The following SPOCK1 variants were observed in gnomAD, a reference collection of about 807,000 sequenced individuals.
SPOCK1 encodes the protein testican-1.
In SPOCK1, 23 loss-of-function variants were observed where a neutral mutation model predicts 55.3. That is an observed-to-expected ratio of 0.42 (90% CI 0.30 to 0.59). The LOEUF (loss-of-function observed/expected upper bound fraction) is 0.59. Among genes scored for constraint, SPOCK1 ranks in the 20% least tolerant of loss-of-function variants. The pLI is 0.22. For synonymous variants in SPOCK1, 226 were observed against 221.0 expected, an observed-to-expected ratio of 1.02 and a Z score of -0.20; for missense variants, 499 against 552.5, an observed-to-expected ratio of 0.90 and a Z score of 0.97.
At chr5:137,097,078 C>T (rs960959976) in intron 5 of SPOCK1, among the ~76,000 whole-genome samples, 7 of 152,154 alleles carry the variant, frequency 4.6e-5, no homozygotes, top group Non-Finnish European at 1.0e-4. Flanking sequence ...GCAGGTGGCA[C>T]ACAGCAGACA....
At chr5:137,311,320 A>C (rs1334143240) in intron 2 of SPOCK1, among the ~76,000 whole-genome samples, 1 of 152,192 alleles carries the variant, frequency 6.6e-6, no homozygotes, top group Admixed American at 6.5e-5. Context: ...GGTGGGAAGG[A>C]GGGTGACTGC....
chr5:137,184,364 C>A (rs1457330848), intron 3 of SPOCK1, among the ~76,000 whole-genome samples: 1 of 152,128 alleles, frequency 6.6e-6, no homozygotes, highest in East Asian at 1.9e-4. Flanking sequence ...CACAGGAAGC[C>A]TTCTCTCCCC....
intron 2 of SPOCK1, among the ~76,000 whole-genome samples, chr5:137,354,290 G>A (rs1750743273): frequency 6.6e-6 from 1 of 152,100 alleles, no homozygotes; most frequent in Admixed American, 6.5e-5. Context: ...AATCTTATCA[G>A]AATAGTGGAT....
intron 4 of SPOCK1, among the ~76,000 whole-genome samples, chr5:137,132,188 A>G (rs1236642986): frequency 6.8e-6 from 1 of 147,954 alleles, no homozygotes; most frequent in Admixed American, 6.7e-5. Context: ...AAAAAAAAAA[A>G]AAAAAAAATC....
chr5:137,492,621 C>G (rs372914253), intron 2 of SPOCK1, among the ~76,000 whole-genome samples: 1 of 152,204 alleles, frequency 6.6e-6, no homozygotes, highest in Middle Eastern at 3.2e-3. Context: ...CATTTCTTAA[C>G]AAATGAGTCA....
At chr5:137,201,276 A>G (rs1755420805) in intron 3 of SPOCK1, among the ~76,000 whole-genome samples, 1 of 152,252 alleles carries the variant, frequency 6.6e-6, no homozygotes, top group Non-Finnish European at 1.5e-5. Context: ...ATTACAAAAC[A>G]AAACAGTCCT....
rs146762668 is a variant in SPOCK1 at position 137,434,480 on chromosome 5, C to CTTTTTT, written c.186+63887_186+63892dup. On this transcript the variant is annotated intron_variant, in intron 2 of 10. Coordinates refer to ENST00000394945, the MANE Select transcript of SPOCK1 (RefSeq NM_004598.4). Reference sequence around the variant, plus strand: ...TTTCCCTTCTCCATTTCTTTTTTTTCTTTTTTTTTTTTTTTTTTTTTTTTT... The same window carrying CTTTTTT: ...TTTCCCTTCTCCATTTCTTTTTTTTCTTTTTTTTTTTTTTTTTTTTTTTTTTTTTTT... Among the ~76,000 whole-genome samples, 294 of 68,224 alleles carry CTTTTTT rather than the reference C, an allele frequency of 4.3e-3. 12 individuals are homozygous for CTTTTTT. Among genetic ancestry groups the CTTTTTT allele is most frequent in the Middle Eastern group, 0.017 (1 of 60 alleles). 44.8% of individuals were successfully genotyped at this position (68,224 alleles called of 152,430 possible). A position where few individuals can be genotyped will look rare whatever the true frequency, so the allele number is the denominator to read the frequency against.
chr5:137,066,754 C>T (rs1191331156), intron 6 of SPOCK1, among the ~76,000 whole-genome samples: 2 of 152,098 alleles, frequency 1.3e-5, no homozygotes, highest in African/African-American at 2.4e-5. Flanking sequence ...TGGTTTACAA[C>T]GTCCTTCCAC....
At chr5:137,304,639 C>G (rs754480504) in intron 2 of SPOCK1, among the ~76,000 whole-genome samples, 2 of 152,102 alleles carry the variant, frequency 1.3e-5, no homozygotes, top group Admixed American at 6.5e-5. Context: ...CAGCTTCCCC[C>G]CACTGGGTGA....
chr5:137,474,590 G>T (rs1336307542), intron 2 of SPOCK1, among the ~76,000 whole-genome samples: 1 of 152,188 alleles, frequency 6.6e-6, no homozygotes, highest in African/African-American at 2.4e-5. Context: ...GGATTCTTTG[G>T]ATCTGATTCC....
At chr5:137,320,128 C>T (rs1384141515) in intron 2 of SPOCK1, among the ~76,000 whole-genome samples, 1 of 152,228 alleles carries the variant, frequency 6.6e-6, no homozygotes, top group Non-Finnish European at 1.5e-5. Context: ...CAAGCCAGCA[C>T]AGCTCATGAT....
At chr5:137,150,821 A>G (rs1483273098) in intron 3 of SPOCK1, among the ~76,000 whole-genome samples, 1 of 152,072 alleles carries the variant, frequency 6.6e-6, no homozygotes, top group African/African-American at 2.4e-5. Context: ...GATTAGAAAC[A>G]GGGATCTCAA....
intron 3 of SPOCK1, among the ~76,000 whole-genome samples, chr5:137,202,813 T>C (rs1755450003): frequency 6.6e-6 from 1 of 152,234 alleles, no homozygotes; most frequent in Admixed American, 6.5e-5. Context: ...AGAGTTCTTC[T>C]ATAAATAATC....
intron 3 of SPOCK1, among the ~76,000 whole-genome samples, chr5:137,163,871 A>G (rs1328218181): frequency 1.3e-5 from 2 of 152,224 alleles, no homozygotes; most frequent in African/African-American, 4.8e-5. Flanking sequence ...ATAAGATCTC[A>G]TATCATACAA....
intron 6 of SPOCK1, among the ~76,000 whole-genome samples, chr5:137,039,737 T>TCTA (rs1441687454): frequency 6.6e-6 from 1 of 152,180 alleles, no homozygotes; most frequent in Non-Finnish European, 1.5e-5. Context: ...GTTATTAGCT[T>TCTA]CTACTAAGCC....
chr5:137,375,180 G>A lies in SPOCK1; in HGVS notation c.187-108125C>T, dbSNP rs191595851. On this transcript the variant is annotated intron_variant, in intron 2 of 10. Transcript: ENST00000394945. ...AAAAAAAGTCAAGAAGTAACAAGAAGTAAAATATCCAATCAACAGAACAGA... is the reference window on the plus strand; with the variant it reads ...AAAAAAAGTCAAGAAGTAACAAGAAATAAAATATCCAATCAACAGAACAGA... Among the ~76,000 whole-genome samples, 42 of 152,204 alleles carry A rather than the reference G, an allele frequency of 2.8e-4. No individual in the cohort carries two copies. In the East Asian group the frequency reaches 8.1e-3, roughly 29 times the overall value.
rs116168165 is a variant in SPOCK1 at position 137,283,167 on chromosome 5, G to A, written c.187-16112C>T. 5.1e-3 allele frequency among the ~76,000 whole-genome samples: 769 copies of A among 152,232 alleles called. 3 individuals are homozygous for A. Among genetic ancestry groups the A allele is most frequent in the African/African-American group, 0.018 (737 of 41,534 alleles). On this transcript the variant is annotated intron_variant, in intron 2 of 10. Transcript: ENST00000394945. ...CCTCCAAGTGGGTATCTTTGATTGG[G>A]GTAAGGTTTATCCTTGGAGACTCTA... is the stretch of plus-strand genomic sequence containing the variant.
chr5:137,053,242 G>C (rs1752239228), intron 6 of SPOCK1, among the ~76,000 whole-genome samples: 1 of 152,120 alleles, frequency 6.6e-6, no homozygotes, highest in South Asian at 2.1e-4. Context: ...AGGTGCACAG[G>C]GCGCCAGAGG....
At chr5:137,229,659 T>C (rs1438627057) in intron 3 of SPOCK1, among the ~76,000 whole-genome samples, 5 of 152,050 alleles carry the variant, frequency 3.3e-5, no homozygotes, top group African/African-American at 1.2e-4. Context: ...AGAGCAGCAG[T>C]CCCCAGCCTT....
Sources: gnomAD v4.1 joint callset for allele counts (sites outside exome capture counted in the v4.1 genomes callset) on GRCh38, gnomAD v4.1.1 for gene constraint, MANE v1.5 for transcripts, NCBI Gene and HGNC (gene_info 2026-07-23, HGNC 2026-07-21) for gene names.